The following NDUFA1 variants were observed in gnomAD, a reference collection of about 807,000 sequenced individuals.
The protein encoded by NDUFA1 is NADH:ubiquinone oxidoreductase subunit A1.
For missense variants in NDUFA1, 42 were observed against 56.0 expected, an observed-to-expected ratio of 0.75 and a Z score of 0.80; for synonymous variants, 21 against 20.0, an observed-to-expected ratio of 1.05 and a Z score of -0.14.
intron 1 of NDUFA1, among the ~76,000 whole-genome samples, chrX:119,872,709 G>C: frequency 9.9e-6 from 1 of 101,385 alleles, no homozygotes; most frequent in African/African-American, 3.8e-5. Context: ...TTGTAGAGGC[G>C]GGGTTTCATC....
At chrX:119,874,895 A>G (rs907957955) in intron 2 of NDUFA1, among the ~76,000 whole-genome samples, 1 of 112,334 alleles carries the variant, frequency 8.9e-6, no homozygotes, top group African/African-American at 3.2e-5. Context: ...TTGTAGGAGT[A>G]GTTCATTCTC....
intron 1 of NDUFA1, among the ~76,000 whole-genome samples, chrX:119,872,707 G>A (rs7057865): frequency 0.15 from 15,344 of 100,850 alleles, 2,085 homozygotes; most frequent in African/African-American, 0.41. Flanking sequence ...TTTTGTAGAG[G>A]CGGGGTTTCA....
At chrX:119,875,648 CAACTT>C (rs974460839) in intron 2 of NDUFA1, among the ~76,000 whole-genome samples, 1 of 110,480 alleles carries the variant, frequency 9.1e-6, no homozygotes, top group Non-Finnish European at 1.9e-5. Context: ...ATTTGGTTGT[CAACTT>C]AGTAAGATCC....
chrX:119,875,317 C>CTTTTTTTTTGTTTTTT (rs2056432432), intron 2 of NDUFA1, among the ~76,000 whole-genome samples: 1 of 59,623 alleles, frequency 1.7e-5, no homozygotes, highest in African/African-American at 7.4e-5. Flanking sequence ...ACTGATGAGT[C>CTTTTTTTTTGTTTTTT]TTTTTTTTTT....
At chrX:119,872,688 T>TG (rs1332062868) in intron 1 of NDUFA1, among the ~76,000 whole-genome samples, 2 of 107,225 alleles carry the variant, frequency 1.9e-5, no homozygotes, top group Non-Finnish European at 3.9e-5. Flanking sequence ...CGCCTGGCTT[T>TG]TTTTTTTTTT....
At chrX:119,875,909 AG>A (rs1419766436) in intron 2 of NDUFA1, among the ~76,000 whole-genome samples, 2 of 111,726 alleles carry the variant, frequency 1.8e-5, no homozygotes, top group African/African-American at 6.5e-5. Context: ...GCTTTGTAAA[AG>A]GATCCAGGTG....
At position 119,871,903 on chromosome X, in the gene NDUFA1, G is replaced by A. The variant is rs771712627; in HGVS notation, c.-9G>A. The A allele has an allele frequency of 7.2e-5, 87 of 1,208,881 alleles. No individual in the cohort carries two copies. The highest frequency in any genetic ancestry group is 9.5e-5 in the Non-Finnish European group (85 of 893,091). On this transcript the variant is annotated 5_prime_UTR_variant, in exon 1 of 3. Transcript: ENST00000371437. ...GAAGTAGGGTTTTGGCCTAGGTAACGGGGCAGAGATGTGGTTCGAGATTCT... is the reference window on the plus strand; with the variant it reads ...GAAGTAGGGTTTTGGCCTAGGTAACAGGGCAGAGATGTGGTTCGAGATTCT...
intron 2 of NDUFA1, among the ~76,000 whole-genome samples, chrX:119,874,474 CAT>C (rs1291773369): frequency 9.0e-6 from 1 of 111,327 alleles, no homozygotes; most frequent in Non-Finnish European, 1.9e-5. Context: ...TCAATTATGA[CAT>C]TGCCATTTTT....
intron 2 of NDUFA1, among the ~76,000 whole-genome samples, chrX:119,875,291 TAGA>T (rs2056432031): frequency 1.9e-5 from 2 of 106,440 alleles, no homozygotes; most frequent in African/African-American, 3.4e-5. Flanking sequence ...ATTTAATACC[TAGA>T]AGAAGTGTCA....
rs61235666 is a variant in NDUFA1, at chrX:119,875,317, C to CTTTTTTTTT, written c.193-1180_193-1172dup. 6.0e-4 allele frequency among the ~76,000 whole-genome samples: 36 copies of CTTTTTTTTT among 59,634 alleles called. 2 individuals are homozygous for CTTTTTTTTT. Among genetic ancestry groups the CTTTTTTTTT allele is most frequent in the African/African-American group, 2.4e-3 (32 of 13,511 alleles). The allele number at this position is 59,634 out of a possible 115,157, so 51.8% of individuals were successfully genotyped here. A position where few individuals can be genotyped will look rare whatever the true frequency, so the allele number is the denominator to read the frequency against. On this transcript the variant is annotated intron_variant, in intron 2 of 2. Coordinates refer to ENST00000371437, the MANE Select transcript of NDUFA1 (RefSeq NM_004541.4). ...AGAAGAAGTGTCATCACTGATGAGT[C>CTTTTTTTTT]TTTTTTTTTTTTTTTTTTTTTTTTT...
chrX:119,873,984 T>C (rs772937137), intron 2 of NDUFA1, among the ~76,000 whole-genome samples: 1 of 111,736 alleles, frequency 8.9e-6, no homozygotes, highest in African/African-American at 3.2e-5. Flanking sequence ...TATACCTGGC[T>C]CATAAAAATA....
At chrX:119,873,190 T>C in intron 1 of NDUFA1, 114 bp from the exon 2 acceptor site, 1 of 600,671 alleles carries the variant, frequency 1.7e-6, no homozygotes, top group South Asian at 2.4e-5. Flanking sequence ...AATTTGCATT[T>C]TTATTTAAAC....
chrX:119,872,256 G>C (rs919801871), intron 1 of NDUFA1, among the ~76,000 whole-genome samples: 2 of 111,933 alleles, frequency 1.8e-5, no homozygotes, highest in African/African-American at 6.5e-5. Context: ...CGGGGGCCGG[G>C]AAGGTAGATT....
intron 2 of NDUFA1, among the ~76,000 whole-genome samples, chrX:119,876,002 C>A (rs2056435704): frequency 9.1e-6 from 1 of 110,447 alleles, no homozygotes; most frequent in African/African-American, 3.3e-5. Flanking sequence ...GTCGGGAGTT[C>A]TAGACCAGCT....
At chrX:119,873,926 ATCT>A (rs1321985589) in intron 2 of NDUFA1, among the ~76,000 whole-genome samples, 7 of 111,462 alleles carry the variant, frequency 6.3e-5, no homozygotes, top group Non-Finnish European at 1.1e-4. Flanking sequence ...GGCTCAAGTG[ATCT>A]TCTTGCCTCA....
chrX:119,875,315 G>GTTTT (rs1244653642), intron 2 of NDUFA1, among the ~76,000 whole-genome samples: 7 of 86,529 alleles, frequency 8.1e-5, no homozygotes, highest in African/African-American at 1.5e-4. Flanking sequence ...TCACTGATGA[G>GTTTT]TCTTTTTTTT....
chrX:119,876,381 G>A, intron 2 of NDUFA1, 133 bp from the exon 3 acceptor site: 1 of 614,751 alleles, frequency 1.6e-6, no homozygotes, highest in Middle Eastern at 3.1e-4. Flanking sequence ...TATTGTTGCA[G>A]TTAGAGAAAT....
At chrX:119,874,807 G>A (rs1489838439) in intron 2 of NDUFA1, among the ~76,000 whole-genome samples, 3 of 111,440 alleles carry the variant, frequency 2.7e-5, no homozygotes, top group Non-Finnish European at 3.8e-5. Context: ...CAAGTGATCC[G>A]CCCACCTCAA....
intron 1 of NDUFA1, among the ~76,000 whole-genome samples, chrX:119,872,945 A>C (rs1340025609): frequency 9.1e-6 from 1 of 110,168 alleles, no homozygotes; most frequent in East Asian, 2.8e-4. Flanking sequence ...TCAAGAGTAC[A>C]GGATATAAAT....
Sources: allele counts gnomAD v4.1 joint callset (sites outside exome capture counted in the v4.1 genomes callset), GRCh38; gene constraint gnomAD v4.1.1; transcripts MANE v1.5; gene names NCBI Gene and HGNC (gene_info 2026-07-23, HGNC 2026-07-21).